Variants in AKR1C8 observed in about 807,000 individuals in gnomAD.
AKR1C8 encodes aldo-keto reductase family 1 member C8.
the AKR1C8 span, among the ~76,000 whole-genome samples, chr10:5,146,458 C>T: frequency 6.6e-6 from 1 of 151,980 alleles, no homozygotes. Flanking sequence ...ACAGATCAAG[C>T]AATGTATCCA....
At chr10:5,135,557 T>A in the AKR1C8 span, among the ~76,000 whole-genome samples, 1 of 150,948 alleles carries the variant, frequency 6.6e-6, no homozygotes, top group Admixed American at 6.6e-5. Context: ...TATCTATCTA[T>A]CATCTATCAT....
At chr10:5,144,368 G>T in the AKR1C8 span, among the ~76,000 whole-genome samples, 1 of 152,036 alleles carries the variant, frequency 6.6e-6, no homozygotes, top group Non-Finnish European at 1.5e-5. Flanking sequence ...CTCTTTTTTG[G>T]TTCCATATGA....
the AKR1C8 span, chr10:5,157,583 G>T: frequency 2.3e-6 from 1 of 440,028 alleles, no homozygotes. Flanking sequence ...AAGAGAGATC[G>T]CCCAGATCAG....
chr10:5,173,455 A>AG, the AKR1C8 span, among the ~76,000 whole-genome samples: 1 of 152,010 alleles, frequency 6.6e-6, no homozygotes, highest in South Asian at 2.1e-4. Flanking sequence ...GAGGAACCAA[A>AG]GGGGGCAGAG....
At chr10:5,123,796 G>A in the AKR1C8 span, 13 of 1,612,828 alleles carry the variant, frequency 8.1e-6, no homozygotes, top group South Asian at 1.1e-5. Flanking sequence ...AGTTTGCTCT[G>A]GTTGAGGTAA....
the AKR1C8 span, among the ~76,000 whole-genome samples, chr10:5,120,182 T>C: frequency 1.3e-5 from 2 of 152,216 alleles, no homozygotes; most frequent in African/African-American, 2.4e-5. Context: ...TGCAGATAAC[T>C]AGCCAGAGCC....
the AKR1C8 span, among the ~76,000 whole-genome samples, chr10:5,143,824 G>T: frequency 1.3e-5 from 2 of 150,782 alleles, no homozygotes; most frequent in Middle Eastern, 3.5e-3. Flanking sequence ...TGGTTCTAGG[G>T]GAACAGAATT....
the AKR1C8 span, among the ~76,000 whole-genome samples, chr10:5,124,861 C>T: frequency 2.6e-5 from 4 of 152,122 alleles, no homozygotes; most frequent in African/African-American, 4.8e-5. Flanking sequence ...TCATTTCATG[C>T]TGCCTACTGC....
the AKR1C8 span, chr10:5,123,877 A>G: frequency 6.6e-7 from 1 of 1,524,524 alleles, no homozygotes; most frequent in South Asian, 1.2e-5. Flanking sequence ...ATGTTAATAT[A>G]AAAAGATTAC....
the AKR1C8 span, among the ~76,000 whole-genome samples, chr10:5,145,442 A>G: frequency 6.6e-6 from 1 of 152,106 alleles, no homozygotes; most frequent in African/African-American, 2.4e-5. Context: ...TTCGCAACCT[A>G]CTCATCTGAT....
the AKR1C8 span, among the ~76,000 whole-genome samples, chr10:5,159,432 G>C: frequency 4.7e-4 from 72 of 152,170 alleles, no homozygotes; most frequent in African/African-American, 1.7e-3. Context: ...CCCTCTCCTG[G>C]TTGTCTCCAT....
the AKR1C8 span, among the ~76,000 whole-genome samples, chr10:5,135,550 C>T: frequency 1.3e-5 from 2 of 151,642 alleles, no homozygotes; most frequent in South Asian, 2.1e-4. Context: ...TATTATCTAT[C>T]TATCTATCAT....
chr10:5,133,303 G>A, the AKR1C8 span, among the ~76,000 whole-genome samples: 2 of 152,022 alleles, frequency 1.3e-5, no homozygotes, highest in African/African-American at 4.8e-5. Flanking sequence ...TCGCTATGTT[G>A]CCCAGGCTCA....
the AKR1C8 span, among the ~76,000 whole-genome samples, chr10:5,183,146 T>C: frequency 6.6e-6 from 1 of 152,132 alleles, no homozygotes; most frequent in South Asian, 2.1e-4. Context: ...CTTATTCTTA[T>C]GAACTAACCA....
At chr10:5,170,427 T>C in the AKR1C8 span, among the ~76,000 whole-genome samples, 36 of 152,132 alleles carry the variant, frequency 2.4e-4, no homozygotes, top group Non-Finnish European at 4.4e-4. Flanking sequence ...TTGTATACAG[T>C]GCAGCAAGAA....
At chr10:5,116,482 G>A in the AKR1C8 span, among the ~76,000 whole-genome samples, 1 of 152,094 alleles carries the variant, frequency 6.6e-6, no homozygotes. Flanking sequence ...TCCTGGCTAT[G>A]AGAGAAAGAG....
At chr10:5,143,286 C>T in the AKR1C8 span, among the ~76,000 whole-genome samples, 1 of 152,164 alleles carries the variant, frequency 6.6e-6, no homozygotes, top group Non-Finnish European at 1.5e-5. Flanking sequence ...GACATCAGAA[C>T]TCCAAGCCTT....
chr10:5,175,914 C>A, the AKR1C8 span, among the ~76,000 whole-genome samples: 1 of 152,050 alleles, frequency 6.6e-6, no homozygotes, highest in East Asian at 1.9e-4. Context: ...AAATTTTCTC[C>A]CATTTCGTAG....
chr10:5,163,132 G>A, the AKR1C8 span: 2 of 410,258 alleles, frequency 4.9e-6, no homozygotes, highest in African/African-American at 4.1e-5. Flanking sequence ...CTCCAATTTT[G>A]ATGACACGGG....
Sources: allele counts gnomAD v4.1 joint callset (sites outside exome capture counted in the v4.1 genomes callset), GRCh38; gene constraint gnomAD v4.1.1; transcripts MANE v1.5; gene names NCBI Gene and HGNC (gene_info 2026-07-23, HGNC 2026-07-21).